Variants in NPTN observed in about 807,000 individuals in gnomAD.
The protein encoded by NPTN is SDR-1.
NPTN carries 5 observed loss-of-function variants against 42.7 expected under a neutral mutation model. That is an observed-to-expected ratio of 0.12 (90% CI 0.06 to 0.25). The LOEUF (loss-of-function observed/expected upper bound fraction) is 0.25. Among genes scored for constraint, NPTN ranks in the 10% least tolerant of loss-of-function variants. NPTN has a pLI of 1.00. For synonymous variants in NPTN, 180 were observed against 201.9 expected (o/e 0.89, Z 0.92); for missense variants, 307 against 525.4 (o/e 0.58, Z 4.06).
intron 6 of NPTN, among the ~76,000 whole-genome samples, chr15:73,564,747 C>T (rs1191628530): frequency 1.3e-5 from 2 of 152,156 alleles, no homozygotes; most frequent in Non-Finnish European, 2.9e-5. Flanking sequence ...CCCGGCCAAG[C>T]CAGCTCAGCT....
At chr15:73,594,455 T>C (rs1332420824) in intron 2 of NPTN, among the ~76,000 whole-genome samples, 1 of 152,214 alleles carries the variant, frequency 6.6e-6, no homozygotes, top group East Asian at 1.9e-4. Flanking sequence ...TGGGAGCAAG[T>C]GGATAATTTA....
chr15:73,615,309 T>C (rs564616361), intron 1 of NPTN, among the ~76,000 whole-genome samples: 45 of 152,210 alleles, frequency 3.0e-4, no homozygotes, highest in African/African-American at 9.6e-4. Flanking sequence ...TGAAAGGAAA[T>C]TCATTATAAC....
intron 3 of NPTN, among the ~76,000 whole-genome samples, chr15:73,590,891 G>A (rs1211525443): frequency 6.6e-6 from 1 of 151,858 alleles, no homozygotes; most frequent in Non-Finnish European, 1.5e-5. Flanking sequence ...AAATTGCTGA[G>A]GCTAAATTTC....
intron 1 of NPTN, among the ~76,000 whole-genome samples, chr15:73,611,006 C>G (rs578238836): frequency 2.6e-5 from 4 of 152,184 alleles, no homozygotes; most frequent in Non-Finnish European, 5.9e-5. Flanking sequence ...GACTCCGTTA[C>G]ATATGGACCA....
At chr15:73,591,816 G>T in intron 3 of NPTN, 150 bp downstream of exon 3, 1 of 646,162 alleles carries the variant, frequency 1.5e-6, no homozygotes, top group Non-Finnish European at 2.6e-6. Context: ...TAGACTACTG[G>T]GCCTTACCTG....
At chr15:73,627,024 C>T (rs1453552190) in intron 1 of NPTN, among the ~76,000 whole-genome samples, 1 of 152,170 alleles carries the variant, frequency 6.6e-6, no homozygotes, top group Non-Finnish European at 1.5e-5. Flanking sequence ...CACCTAAGGT[C>T]AGGAGTTCGA....
intron 1 of NPTN, among the ~76,000 whole-genome samples, chr15:73,603,115 A>C (rs990180157): frequency 1.3e-5 from 2 of 152,246 alleles, no homozygotes; most frequent in African/African-American, 4.8e-5. Context: ...CAAGTGACCT[A>C]ACCTCTCTGA....
intron 1 of NPTN, among the ~76,000 whole-genome samples, chr15:73,629,051 C>A (rs1479958426): frequency 6.6e-6 from 1 of 152,150 alleles, no homozygotes; most frequent in African/African-American, 2.4e-5. Flanking sequence ...CTGCGTCTGG[C>A]AACACAAAAA....
intron 1 of NPTN, among the ~76,000 whole-genome samples, chr15:73,612,059 C>G (rs777103809): frequency 3.9e-5 from 6 of 152,082 alleles, no homozygotes; most frequent in Non-Finnish European, 7.4e-5. Context: ...TTTGAGCAAG[C>G]AAAAATAACT....
intron 1 of NPTN, among the ~76,000 whole-genome samples, chr15:73,628,553 T>C (rs1016193519): frequency 2.0e-5 from 3 of 152,192 alleles, no homozygotes; most frequent in Non-Finnish European, 4.4e-5. Flanking sequence ...TACTTCATTT[T>C]AATAGATATT....
At chr15:73,563,944 C>A (rs941226406) in intron 6 of NPTN, among the ~76,000 whole-genome samples, 4 of 152,202 alleles carry the variant, frequency 2.6e-5, no homozygotes, top group Non-Finnish European at 5.9e-5. Flanking sequence ...GAAAAGACTT[C>A]AGAAAGACAG....
intron 4 of NPTN, among the ~76,000 whole-genome samples, chr15:73,574,392 T>C (rs1895572421): frequency 6.6e-6 from 1 of 152,118 alleles, no homozygotes; most frequent in African/African-American, 2.4e-5. Flanking sequence ...GAACAGGAAA[T>C]TCAACCAGTG....
At chr15:73,594,308 C>A (rs1253015264) in intron 2 of NPTN, among the ~76,000 whole-genome samples, 2 of 152,108 alleles carry the variant, frequency 1.3e-5, no homozygotes, top group Non-Finnish European at 2.9e-5. Flanking sequence ...TTACCTGTGG[C>A]GATGCAAATG....
At position 73,597,285 on chromosome 15, in the gene NPTN, G is replaced by A. The variant is rs1321070940; in HGVS notation, c.176C>T (p.Thr59Met). The A allele has an allele frequency of 6.2e-6, 10 of 1,614,094 alleles. No homozygotes were observed. Among genetic ancestry groups the A allele is most frequent in the East Asian group, 2.2e-5 (1 of 44,874 alleles). Reference protein sequence around the residue: ...ELYCDVVGSPTPEIQWWYAEV... With the variant: ...ELYCDVVGSPMPEIQWWYAEV... ...TGCGTACCACCACTGGATCTCTGGC[G>A]TGGGGCTCCCGACCACGTCACAGTA... is the stretch of plus-strand genomic sequence containing the variant. The change falls in exon 2 of 9, where the codon ACG becomes ATG. Residue 59 changes from threonine (T) to methionine (M), a missense_variant. Physicochemically the swap from Thr to Met is moderately conservative, Grantham distance 81. Coordinates refer to ENST00000345330, the MANE Select transcript of NPTN (RefSeq NM_012428.4). This position sits in a 1 kb window ranked among gnomAD's most constrained non-coding sequence, Gnocchi z 6.3.
At chr15:73,565,969 TGGTCAAA>T (rs1194742244) in intron 6 of NPTN, among the ~76,000 whole-genome samples, 3 of 152,256 alleles carry the variant, frequency 2.0e-5, no homozygotes, top group African/African-American at 4.8e-5. Flanking sequence ...GTTGACTCTC[TGGTCAAA>T]GGTCCTTTGT....
chr15:73,605,111 G>GGGGGGA (rs1555410813), intron 1 of NPTN, among the ~76,000 whole-genome samples: 1 of 140,498 alleles, frequency 7.1e-6, no homozygotes, highest in African/African-American at 2.9e-5. Context: ...GGGGGGGGGG[G>GGGGGGA]AAAAGAATGA....
intron 2 of NPTN, among the ~76,000 whole-genome samples, chr15:73,596,086 C>T (rs1430737594): frequency 2.0e-5 from 3 of 152,220 alleles, no homozygotes; most frequent in Admixed American, 6.5e-5. Flanking sequence ...CCAACAGCTA[C>T]TCATCAGAGT....
intron 4 of NPTN, among the ~76,000 whole-genome samples, chr15:73,581,319 T>C (rs1896031483): frequency 6.6e-6 from 1 of 152,188 alleles, no homozygotes. Context: ...TAAGCCTTCA[T>C]ATCCTGAAGG....
At chr15:73,616,183 G>A (rs1019956466) in intron 1 of NPTN, among the ~76,000 whole-genome samples, 3 of 152,054 alleles carry the variant, frequency 2.0e-5, no homozygotes, top group East Asian at 3.9e-4. Flanking sequence ...GACCTCTTCC[G>A]TGCAGGTATC....
Sources: gnomAD v4.1 joint callset for allele counts (sites outside exome capture counted in the v4.1 genomes callset) on GRCh38, gnomAD v4.1.1 for gene constraint, Gnocchi (gnomAD v3.1) non-coding constraint, MANE v1.5 for transcripts, NCBI Gene and HGNC (gene_info 2026-07-23, HGNC 2026-07-21) for gene names.